The following GALNT17 variants were observed in gnomAD, a reference collection of about 807,000 sequenced individuals.
GALNT17 encodes the protein UDP-GalNAc:polypeptide N-acetylgalactosaminyltransferase-like 3.
In GALNT17, 29 loss-of-function variants were observed where a neutral mutation model predicts 63.7. The ratio of observed to expected loss-of-function variants is 0.46; its 90% CI spans 0.34 to 0.62. GALNT17 has a LOEUF of 0.62. Ranked by LOEUF, GALNT17 falls within the 20% of genes least tolerant of loss-of-function variation. The pLI is 0.01. For missense variants in GALNT17, 603 were observed against 799.6 expected (o/e 0.75, Z 2.97); for synonymous variants, 305 against 318.3 (o/e 0.96, Z 0.45).
intron 2 of GALNT17, among the ~76,000 whole-genome samples, chr7:71,338,735 C>G (rs1220499562): frequency 1.3e-5 from 2 of 152,166 alleles, no homozygotes; most frequent in Admixed American, 1.3e-4. Context: ...TAGTGTCTCT[C>G]TTTTTCTATT....
intron 1 of GALNT17, among the ~76,000 whole-genome samples, chr7:71,178,504 T>G (rs2116307280): frequency 6.6e-6 from 1 of 152,278 alleles, no homozygotes; most frequent in African/African-American, 2.4e-5. Context: ...TCCTTTCCTC[T>G]GAGACTCTAA....
intron 5 of GALNT17, among the ~76,000 whole-genome samples, chr7:71,425,318 G>A (rs1786739487): frequency 6.6e-6 from 1 of 152,064 alleles, no homozygotes; most frequent in African/African-American, 2.4e-5. Context: ...TGCCTCCCGG[G>A]TTCGAGCAAT....
intron 5 of GALNT17, among the ~76,000 whole-genome samples, chr7:71,481,314 G>A (rs1358062053): frequency 6.6e-6 from 1 of 152,134 alleles, no homozygotes; most frequent in African/African-American, 2.4e-5. Context: ...GTCAGGGGTG[G>A]TGGGTGCACA....
chr7:71,341,792 A>G (rs1218549860), intron 2 of GALNT17, among the ~76,000 whole-genome samples: 2 of 152,228 alleles, frequency 1.3e-5, no homozygotes, highest in African/African-American at 2.4e-5. Context: ...ACTCAAGCAC[A>G]TGCTCCAGCA....
At chr7:71,264,206 C>T (rs1790446357) in intron 1 of GALNT17, among the ~76,000 whole-genome samples, 1 of 152,154 alleles carries the variant, frequency 6.6e-6, no homozygotes, top group Admixed American at 6.5e-5. Flanking sequence ...TCCTCTTGGA[C>T]CTGCTCTCTA....
intron 1 of GALNT17, among the ~76,000 whole-genome samples, chr7:71,288,413 C>A (rs1489868670): frequency 6.6e-6 from 1 of 151,748 alleles, no homozygotes; most frequent in Non-Finnish European, 1.5e-5. Context: ...TGGACCTGTG[C>A]AGTTCAAACC....
chr7:71,605,156 G>T (rs1367388602), intron 6 of GALNT17, among the ~76,000 whole-genome samples: 1 of 152,088 alleles, frequency 6.6e-6, no homozygotes, highest in Non-Finnish European at 1.5e-5. Flanking sequence ...CTCAAACTTG[G>T]CTCGCTCTTG....
intron 1 of GALNT17, among the ~76,000 whole-genome samples, chr7:71,196,291 C>T (rs1789047859): frequency 6.6e-6 from 1 of 152,038 alleles, no homozygotes; most frequent in South Asian, 2.1e-4. Flanking sequence ...GCACCTGCCA[C>T]CATGCCTGGG....
intron 6 of GALNT17, among the ~76,000 whole-genome samples, chr7:71,598,159 G>T (rs1789915628): frequency 6.6e-6 from 1 of 152,110 alleles, no homozygotes; most frequent in Non-Finnish European, 1.5e-5. Context: ...GCCCAGGCTG[G>T]TCTCGAACTC....
At chr7:71,299,676 C>T (rs910577344) in intron 1 of GALNT17, among the ~76,000 whole-genome samples, 4 of 152,042 alleles carry the variant, frequency 2.6e-5, no homozygotes, top group Non-Finnish European at 4.4e-5. Context: ...ACCGTGGGGG[C>T]GAGGTTAATG....
Position 71,581,852 on chromosome 7 carries a change from T to G in GALNT17, c.1080+10450T>G, listed in dbSNP as rs543219464. ...GTGAGATGTCAAGGGAACACAAGGCTGGGAAGGGACTCTGGCCAAGAGTGG... is the reference window on the plus strand; with the variant it reads ...GTGAGATGTCAAGGGAACACAAGGCGGGGAAGGGACTCTGGCCAAGAGTGG... On this transcript the variant is annotated intron_variant, in intron 6 of 10. Coordinates refer to ENST00000333538, the MANE Select transcript of GALNT17 (RefSeq NM_022479.3). Among the ~76,000 whole-genome samples, 75 of 152,154 alleles carry G rather than the reference T, an allele frequency of 4.9e-4. 1 individual carries two copies. Among genetic ancestry groups the G allele is most frequent in the Middle Eastern group, 3.4e-3 (1 of 290 alleles).
intron 5 of GALNT17, among the ~76,000 whole-genome samples, chr7:71,535,343 G>T (rs6460663): frequency 0.1 from 15,183 of 152,160 alleles, 2,118 homozygotes; most frequent in African/African-American, 0.32. Context: ...TGAGAAGGTG[G>T]CACTGGGGCT....
At chr7:71,395,948 T>G (rs1793130810) in intron 3 of GALNT17, among the ~76,000 whole-genome samples, 1 of 152,212 alleles carries the variant, frequency 6.6e-6, no homozygotes, top group South Asian at 2.1e-4. Flanking sequence ...ATTATTTGAC[T>G]TTTTAAATTA....
chr7:71,574,244 GT>G (rs1011427861), intron 6 of GALNT17, among the ~76,000 whole-genome samples: 1 of 152,202 alleles, frequency 6.6e-6, no homozygotes, highest in Non-Finnish European at 1.5e-5. Flanking sequence ...GTGGAAGGCA[GT>G]TTGGGGATTC....
At chr7:71,429,575 C>T (rs985371332) in intron 5 of GALNT17, among the ~76,000 whole-genome samples, 1 of 152,234 alleles carries the variant, frequency 6.6e-6, no homozygotes, top group South Asian at 2.1e-4. Context: ...TAAGATCTCA[C>T]TCTGTTGCCC....
At chr7:71,634,940 G>A (rs906609747) in intron 6 of GALNT17, among the ~76,000 whole-genome samples, 13 of 151,982 alleles carry the variant, frequency 8.6e-5, no homozygotes, top group Non-Finnish European at 1.9e-4. Flanking sequence ...CGGGCATGGT[G>A]ACTCACGCTT....
intron 2 of GALNT17, among the ~76,000 whole-genome samples, chr7:71,371,658 C>T (rs951913555): frequency 6.6e-6 from 1 of 152,176 alleles, no homozygotes; most frequent in Non-Finnish European, 1.5e-5. Flanking sequence ...GAAATTCTTT[C>T]ATATCCAGAA....
intron 1 of GALNT17, among the ~76,000 whole-genome samples, chr7:71,312,472 G>A (rs907947495): frequency 3.3e-5 from 5 of 152,192 alleles, no homozygotes; most frequent in African/African-American, 9.6e-5. Flanking sequence ...TGTGATTGTG[G>A]ATTAGTGTAT....
At chr7:71,258,054 C>T (rs549391520) in intron 1 of GALNT17, among the ~76,000 whole-genome samples, 53 of 152,292 alleles carry the variant, frequency 3.5e-4, no homozygotes, top group African/African-American at 1.2e-3. Context: ...TGAATTGAGA[C>T]GGGATGGATC....
Sources: gnomAD v4.1 joint callset for allele counts (sites outside exome capture counted in the v4.1 genomes callset) on GRCh38, gnomAD v4.1.1 for gene constraint, MANE v1.5 for transcripts, NCBI Gene and HGNC (gene_info 2026-07-23, HGNC 2026-07-21) for gene names.